BDP1: variants seen among roughly 807,000 people sequenced by gnomAD.
The protein encoded by BDP1 is transcription factor TFIIIB component B'' homolog.
In BDP1, 169 loss-of-function variants were observed where a neutral mutation model predicts 266.6. That is an observed-to-expected ratio of 0.63 (90% CI 0.56 to 0.72). The LOEUF is 0.72. BDP1 is among the 30% of genes least tolerant of loss of function. BDP1 has a pLI of 0.00. For synonymous variants in BDP1, 1,090 were observed against 1,022.4 expected, an observed-to-expected ratio of 1.07 and a Z score of -1.26; for missense variants, 3,015 against 3,053.8, an observed-to-expected ratio of 0.99 and a Z score of 0.30.
chr5:71,506,859 C>T (rs944622700), intron 16 of BDP1, among the ~76,000 whole-genome samples: 2 of 151,488 alleles, frequency 1.3e-5, no homozygotes, highest in Non-Finnish European at 2.9e-5. Flanking sequence ...CTTGCTCTGT[C>T]ACCCAGGCTG....
At chr5:71,535,073 C>T (rs1440276364) in intron 26 of BDP1, among the ~76,000 whole-genome samples, 28 of 152,190 alleles carry the variant, frequency 1.8e-4, no homozygotes, top group Admixed American at 1.8e-3. Context: ...TTTGTCAAAT[C>T]ATGTCATCTG....
intron 19 of BDP1, among the ~76,000 whole-genome samples, chr5:71,513,994 A>C (rs1386689850): frequency 6.6e-6 from 1 of 152,076 alleles, no homozygotes; most frequent in Non-Finnish European, 1.5e-5. Context: ...AAGTGCTGGG[A>C]TTACGCTGAG....
intron 3 of BDP1, 66 bp from the exon 4 acceptor site, chr5:71,463,992 T>C: frequency 1.1e-6 from 1 of 941,894 alleles, no homozygotes; most frequent in Non-Finnish European, 1.6e-6. Context: ...TCTTCTTGCC[T>C]ACAGATAGAA....
At chr5:71,475,505 C>G (rs190190485) in intron 7 of BDP1, among the ~76,000 whole-genome samples, 24 of 152,254 alleles carry the variant, frequency 1.6e-4, no homozygotes, top group Admixed American at 7.2e-4. Flanking sequence ...CAGTTTTACT[C>G]CAGGCCATAA....
intron 34 of BDP1, among the ~76,000 whole-genome samples, chr5:71,550,758 T>C (rs1742684825): frequency 1.3e-5 from 2 of 152,128 alleles, no homozygotes; most frequent in Non-Finnish European, 2.9e-5. Flanking sequence ...CCAGGTGGAG[T>C]GTAGTGGCGT....
intron 4 of BDP1, among the ~76,000 whole-genome samples, chr5:71,465,670 CAGG>C (rs1336705274): frequency 1.3e-5 from 2 of 152,124 alleles, no homozygotes; most frequent in East Asian, 3.9e-4. Flanking sequence ...ATCACGAGGT[CAGG>C]AGTTTGAGAC....
intron 29 of BDP1, 55 bp from the exon 30 acceptor site, chr5:71,542,050 T>C (rs1234215331): frequency 3.5e-6 from 5 of 1,430,228 alleles, no homozygotes; most frequent in African/African-American, 2.8e-5. Context: ...ACTGTATTAA[T>C]GTGAGAGAGC....
chr5:71,569,953 C>A (rs749801527), downstream of BDP1, among the ~76,000 whole-genome samples: 3 of 152,220 alleles, frequency 2.0e-5, no homozygotes, highest in Non-Finnish European at 2.9e-5. Flanking sequence ...TAGGAATCAA[C>A]AGATCCCACT....
chr5:71,481,129 G>A (rs563036244), intron 7 of BDP1, among the ~76,000 whole-genome samples: 72 of 151,524 alleles, frequency 4.8e-4, no homozygotes, highest in Middle Eastern at 3.4e-3. Flanking sequence ...AGCTGAGATC[G>A]CGCCACTGCG....
intron 14 of BDP1, 83 bp from the exon 15 acceptor site, chr5:71,502,516 C>T: frequency 8.3e-7 from 1 of 1,200,328 alleles, no homozygotes; most frequent in Non-Finnish European, 1.1e-6. Context: ...TTTCATATTC[C>T]AAATGGTTTA....
In BDP1 at chr5:71,566,386, C is replaced by T. The variant is rs1744036275; in HGVS notation, c.*1501C>T. The T allele has an allele frequency of 1.3e-5, 2 of 152,162 alleles. No individual in the cohort carries two copies. Among genetic ancestry groups the T allele is most frequent in the African/African-American group, 2.4e-5 (1 of 41,432 alleles). 9.4% of individuals were successfully genotyped at this position (152,162 alleles called of 1,614,324 possible). A position where few individuals can be genotyped will look rare whatever the true frequency, so the allele number is the denominator to read the frequency against. ...GCTTTATAAAGTTAATGATTATCAT[C>T]AGTATGAATTTAAGGTTTGTTTTAA... On this transcript the variant is annotated 3_prime_UTR_variant, in exon 39 of 39. Coordinates refer to ENST00000358731, the MANE Select transcript of BDP1 (RefSeq NM_018429.3).
At chr5:71,573,092 GGTGGCATGTGCCT>G in the BDP1 span, among the ~76,000 whole-genome samples, 1 of 152,100 alleles carries the variant, frequency 6.6e-6, no homozygotes, top group African/African-American at 2.4e-5. Context: ...AGCCGGGCGT[GGTGGCATGTGCCT>G]GTAGTCCCAG....
At chr5:71,559,536 C>T (rs905227004) in intron 36 of BDP1, among the ~76,000 whole-genome samples, 1 of 152,168 alleles carries the variant, frequency 6.6e-6, no homozygotes, top group African/African-American at 2.4e-5. Flanking sequence ...CTTTTGTCTA[C>T]TATTTAGTTA....
intron 5 of BDP1, 121 bp from the exon 6 acceptor site, chr5:71,467,233 G>A: frequency 1.3e-6 from 1 of 774,364 alleles, no homozygotes; most frequent in East Asian, 2.6e-5. Flanking sequence ...TTTCACATAG[G>A]TATTATTATG....
intron 25 of BDP1, among the ~76,000 whole-genome samples, chr5:71,527,554 A>G (rs770323991): frequency 2.0e-5 from 3 of 152,182 alleles, no homozygotes; most frequent in Admixed American, 6.5e-5. Flanking sequence ...ATTTAGCATA[A>G]TGTTTTCACA....
intron 35 of BDP1, among the ~76,000 whole-genome samples, chr5:71,554,675 T>C (rs2112012897): frequency 6.6e-6 from 1 of 152,362 alleles, no homozygotes; most frequent in South Asian, 2.1e-4. Context: ...ATGGTAGTTA[T>C]ACAGTGGTGT....
downstream of BDP1, among the ~76,000 whole-genome samples, chr5:71,570,772 A>ATCATAGTGG (rs1744239662): frequency 1.3e-5 from 2 of 151,996 alleles, no homozygotes; most frequent in Non-Finnish European, 2.9e-5. Context: ...GCAAAGGACA[A>ATCATAGTGG]CCATCATAGT....
intron 37 of BDP1, among the ~76,000 whole-genome samples, chr5:71,560,773 G>A (rs1268950811): frequency 6.6e-6 from 1 of 152,220 alleles, no homozygotes; most frequent in East Asian, 1.9e-4. Context: ...GAAGATTAAT[G>A]TGGTGTTGCT....
chr5:71,551,415 C>T (rs914032160), intron 34 of BDP1, among the ~76,000 whole-genome samples: 31 of 152,306 alleles, frequency 2.0e-4, no homozygotes, highest in Non-Finnish European at 4.0e-4. Context: ...TTTCAGAGAG[C>T]ACAGGGTTGG....
Sources: allele counts gnomAD v4.1 joint callset (sites outside exome capture counted in the v4.1 genomes callset), GRCh38; gene constraint gnomAD v4.1.1; transcripts MANE v1.5; gene names NCBI Gene and HGNC (gene_info 2026-07-23, HGNC 2026-07-21).